Variants in ELL2 observed in about 807,000 individuals in gnomAD.
ELL2 encodes the protein RNA polymerase II elongation factor ELL2.
ELL2 carries 21 observed loss-of-function variants against 72.8 expected under a neutral mutation model. That is an observed-to-expected ratio of 0.29 (90% CI 0.20 to 0.42). The LOEUF (loss-of-function observed/expected upper bound fraction) is 0.42, where lower values mean the gene tolerates loss of function less well. ELL2 is among the 10% of genes least tolerant of loss of function. ELL2 has a pLI of 1.00. For synonymous variants in ELL2, 266 were observed against 283.2 expected (o/e 0.94, Z 0.61); for missense variants, 568 against 772.8 (o/e 0.73, Z 3.14).
chr5:95,940,959 T>G (rs979060912), intron 2 of ELL2, among the ~76,000 whole-genome samples: 4 of 151,846 alleles, frequency 2.6e-5, no homozygotes, highest in Non-Finnish European at 4.4e-5. Flanking sequence ...TGGGGAGAGC[T>G]CTGCAAAAAG....
chr5:95,891,345 C>A, intron 9 of ELL2, 71 bp from the exon 10 acceptor site: 1 of 1,465,736 alleles, frequency 6.8e-7, no homozygotes, highest in Non-Finnish European at 9.1e-7. Flanking sequence ...AGATTTAAAC[C>A]AAATATTTAG....
At chr5:95,890,154 GA>G (rs961198339) in intron 10 of ELL2, among the ~76,000 whole-genome samples, 4 of 151,154 alleles carry the variant, frequency 2.6e-5, no homozygotes, top group East Asian at 3.9e-4. Context: ...TGACTATATA[GA>G]AAAAAAAATA....
chr5:95,938,211 G>C (rs3777178), intron 2 of ELL2, among the ~76,000 whole-genome samples: 49,647 of 151,962 alleles, frequency 0.33, 9,572 homozygotes, highest in African/African-American at 0.54. Flanking sequence ...TTTTATAGCA[G>C]TATTCAAGCC....
chr5:95,898,217 T>A, intron 8 of ELL2, 23 bp downstream of exon 8: 2 of 1,557,922 alleles, frequency 1.3e-6, no homozygotes, highest in Non-Finnish European at 1.7e-6. Context: ...CATGCACTTC[T>A]GGTTCATCTA....
chr5:95,951,224 C>G (rs1211038533), intron 1 of ELL2, among the ~76,000 whole-genome samples: 2 of 151,626 alleles, frequency 1.3e-5, no homozygotes, highest in Non-Finnish European at 2.9e-5. Flanking sequence ...AAAAAATTAG[C>G]CAGGCGTGGT....
chr5:95,931,191 A>G (rs1750587656), intron 2 of ELL2, among the ~76,000 whole-genome samples: 3 of 151,852 alleles, frequency 2.0e-5, no homozygotes, highest in Admixed American at 2.0e-4. Context: ...AGAATCTACC[A>G]TCTGTGTTAC....
intron 1 of ELL2, among the ~76,000 whole-genome samples, chr5:95,950,448 TCAGA>T (rs548902914): frequency 8.4e-4 from 128 of 152,180 alleles, no homozygotes; most frequent in African/African-American, 2.8e-3. Flanking sequence ...GCACAAGAAA[TCAGA>T]CAGTTGATCC....
chr5:95,929,054 G>C (rs545850790), intron 2 of ELL2, among the ~76,000 whole-genome samples: 1 of 152,258 alleles, frequency 6.6e-6, no homozygotes, highest in Admixed American at 6.5e-5. Flanking sequence ...TGTGAGTTCA[G>C]CTTAGGAGTC....
rs752935134 is a variant in ELL2 at position 95,927,450 on chromosome 5, TAC to T, written c.196-7907_196-7906del. On this transcript the variant is annotated intron_variant, in intron 2 of 11. Coordinates refer to ENST00000237853, the MANE Select transcript of ELL2 (RefSeq NM_012081.6). The stretch of plus-strand genomic sequence containing the variant: ...ACACACACACGTGTGTATATAGACA[TAC>T]ACACACACGTGTGTATATAGACATA... 7.3e-3 allele frequency among the ~76,000 whole-genome samples: 168 copies of T among 22,938 alleles called. 14 individuals carry two copies. The highest frequency in any genetic ancestry group is 0.021 in the Middle Eastern group (1 of 48). 15.0% of individuals were successfully genotyped at this position (22,938 alleles called of 152,430 possible). A position where few individuals can be genotyped will look rare whatever the true frequency, so the allele number is the denominator to read the frequency against.
intron 2 of ELL2, among the ~76,000 whole-genome samples, chr5:95,920,404 C>T (rs992937018): frequency 1.3e-5 from 2 of 151,380 alleles, no homozygotes; most frequent in Admixed American, 6.6e-5. Context: ...TCCACCTCCC[C>T]GGTTCAAGCA....
At chr5:95,910,128 C>T (rs1259492054) in intron 4 of ELL2, among the ~76,000 whole-genome samples, 23 of 152,062 alleles carry the variant, frequency 1.5e-4, no homozygotes, top group Admixed American at 1.4e-3. Flanking sequence ...GTTAGCACTA[C>T]AAAGGACCTT....
chr5:95,942,180 A>C (rs1214549906), intron 2 of ELL2, among the ~76,000 whole-genome samples: 1 of 152,226 alleles, frequency 6.6e-6, no homozygotes, highest in African/African-American at 2.4e-5. Context: ...GACATAAGAA[A>C]AATTCAGAAG....
At chr5:95,955,526 AGAAG>A (rs1461239263) in intron 1 of ELL2, among the ~76,000 whole-genome samples, 3 of 152,322 alleles carry the variant, frequency 2.0e-5, no homozygotes, top group African/African-American at 7.2e-5. Context: ...AAGGAAGGAA[AGAAG>A]GAAGGAGATA....
chr5:95,931,643 C>A (rs1226137728), intron 2 of ELL2, among the ~76,000 whole-genome samples: 6 of 151,620 alleles, frequency 4.0e-5, no homozygotes, highest in African/African-American at 1.5e-4. Context: ...AAACAACTAG[C>A]AATATTTCCA....
chr5:95,886,333 C>T lies in ELL2; in HGVS notation c.*2538G>A, dbSNP rs1748464114. The T allele has an allele frequency of 6.6e-6, 1 of 152,170 alleles. No homozygotes were observed. Among genetic ancestry groups the T allele is most frequent in the Non-Finnish European group, 1.5e-5 (1 of 68,020 alleles). The allele number at this position is 152,170 out of a possible 1,614,324, so 9.4% of individuals were successfully genotyped here. On this transcript the variant is annotated 3_prime_UTR_variant, in exon 12 of 12. Coordinates refer to ENST00000237853, the MANE Select transcript of ELL2 (RefSeq NM_012081.6). The stretch of plus-strand genomic sequence containing the variant: ...AGATTTATAATTTTCAAATTTACAA[C>T]TAATAGACAGACACACTTTTGCAAG...
intron 1 of ELL2, among the ~76,000 whole-genome samples, chr5:95,951,360 C>A (rs1243888485): frequency 6.7e-6 from 1 of 149,774 alleles, no homozygotes; most frequent in Non-Finnish European, 1.5e-5. Context: ...CAGAGCGAGA[C>A]TCCGTCTCAA....
At chr5:95,960,273 C>T (rs1012829460) in intron 1 of ELL2, among the ~76,000 whole-genome samples, 2 of 152,032 alleles carry the variant, frequency 1.3e-5, no homozygotes, top group African/African-American at 4.8e-5. Context: ...ACTCTCTCCT[C>T]TCCTGTAAAA....
At chr5:95,917,286 A>G (rs982329217) in intron 3 of ELL2, among the ~76,000 whole-genome samples, 4 of 152,246 alleles carry the variant, frequency 2.6e-5, no homozygotes, top group Admixed American at 2.6e-4. Flanking sequence ...GAATCAAGGA[A>G]GTTTAAAAAT....
intron 2 of ELL2, among the ~76,000 whole-genome samples, chr5:95,938,077 C>G (rs1350504782): frequency 6.6e-6 from 1 of 152,152 alleles, no homozygotes; most frequent in East Asian, 1.9e-4. Context: ...ACCCAATCTT[C>G]TCCACACCCC....
Sources: allele counts gnomAD v4.1 joint callset (sites outside exome capture counted in the v4.1 genomes callset), GRCh38; gene constraint gnomAD v4.1.1; transcripts MANE v1.5; gene names NCBI Gene and HGNC (gene_info 2026-07-23, HGNC 2026-07-21).